AP3S2: variants seen among roughly 807,000 people sequenced by gnomAD.
AP3S2 encodes adaptor related protein complex 3 subunit sigma 2, also known as AP-3 complex subunit sigma-2.
AP3S2 carries 22 observed loss-of-function variants against 23.4 expected under a neutral mutation model. The ratio of observed to expected loss-of-function variants is 0.94; its 90% CI spans 0.67 to 1.34. AP3S2 has a LOEUF of 1.34. Among genes scored for constraint, AP3S2 ranks in the 40% most tolerant of loss-of-function variants. The probability of loss-of-function intolerance (pLI) is 0.00; values close to 1 mark genes in which losing one functional copy is unlikely to be tolerated. For missense variants in AP3S2, 241 were observed against 236.9 expected (o/e 1.02, Z -0.11); for synonymous variants, 86 against 87.1 (o/e 0.99, Z 0.07).
At position 89,833,549 on chromosome 15, in the gene AP3S2, C is replaced by T. The variant is rs1238898811; in HGVS notation, c.*1966G>A. 1 of 152,216 alleles carries T rather than the reference C, an allele frequency of 6.6e-6. No individual in the cohort carries two copies. The highest frequency in any genetic ancestry group is 2.4e-5 in the African/African-American group (1 of 41,444). 9.4% of individuals were successfully genotyped at this position (152,216 alleles called of 1,614,324 possible). On this transcript the variant is annotated 3_prime_UTR_variant, in exon 6 of 6. Transcript: ENST00000336418. ...GAATGATCTTGCTCATGCCAACTTA[C>T]AGAAGGTACGAAATAAACGCCGATC...
chr15:89,840,720 G>T (rs1029980070), intron 4 of AP3S2, among the ~76,000 whole-genome samples: 1 of 152,118 alleles, frequency 6.6e-6, no homozygotes, highest in Non-Finnish European at 1.5e-5. Context: ...GAGCCACCAC[G>T]CCTGGCCTGA....
chr15:89,873,393 T>G (rs1896366631), intron 3 of AP3S2, among the ~76,000 whole-genome samples: 1 of 151,810 alleles, frequency 6.6e-6, no homozygotes, highest in Non-Finnish European at 1.5e-5. Context: ...CAAGCAATTC[T>G]CCTGCCTCAG....
intron 3 of AP3S2, among the ~76,000 whole-genome samples, chr15:89,884,206 G>A (rs987667193): frequency 3.3e-5 from 5 of 151,812 alleles, no homozygotes; most frequent in African/African-American, 1.2e-4. Flanking sequence ...TTGTATAATC[G>A]CTCCTCTCAG....
chr15:89,854,548 C>G (rs1429915952), intron 4 of AP3S2, among the ~76,000 whole-genome samples: 1 of 89,070 alleles, frequency 1.1e-5, no homozygotes, highest in African/African-American at 4.2e-5. Flanking sequence ...GCCCGGCCAG[C>G]CGCCCCGTCC....
intron 4 of AP3S2, among the ~76,000 whole-genome samples, chr15:89,839,316 G>A (rs1246533013): frequency 3.3e-5 from 5 of 152,230 alleles, no homozygotes; most frequent in African/African-American, 1.2e-4. Context: ...CTTGAGGACA[G>A]AGTATAATAA....
At chr15:89,866,819 C>G (rs1896135284) in intron 4 of AP3S2, among the ~76,000 whole-genome samples, 1 of 149,676 alleles carries the variant, frequency 6.7e-6, no homozygotes, top group Admixed American at 6.6e-5. Context: ...TTCGTGGTGT[C>G]TAAGCATTCT....
At chr15:89,866,211 G>A (rs902125075) in intron 4 of AP3S2, among the ~76,000 whole-genome samples, 4 of 138,758 alleles carry the variant, frequency 2.9e-5, no homozygotes, top group African/African-American at 5.5e-5. Context: ...GCAGTGAGCC[G>A]AGATCACACA....
At position 89,832,520 on chromosome 15, in the gene AP3S2, G is replaced by C. The variant is rs1415160924; in HGVS notation, c.*2995C>G. On this transcript the variant is annotated 3_prime_UTR_variant, in exon 6 of 6. Transcript: ENST00000336418. ...TTTTTTTTTTTTGAGACGGAGTCTTGCTGTGTTGCCCAGGCTGGAGTGTAG... is the reference window on the plus strand; with the variant it reads ...TTTTTTTTTTTTGAGACGGAGTCTTCCTGTGTTGCCCAGGCTGGAGTGTAG... 1 of 121,220 alleles carries C rather than the reference G, an allele frequency of 8.2e-6. No homozygotes were observed. Among genetic ancestry groups the C allele is most frequent in the Non-Finnish European group, 1.7e-5 (1 of 60,602 alleles). The allele number at this position is 121,220 out of a possible 1,614,324, so 7.5% of individuals were successfully genotyped here.
chr15:89,831,173 C>T lies in AP3S2; in HGVS notation c.*4342G>A, dbSNP rs1474066478. 2.0e-5 allele frequency: 3 copies of T among 152,306 alleles called. No individual in the cohort carries two copies. The highest frequency in any genetic ancestry group is 3.9e-4 in the East Asian group (2 of 5,188). 9.4% of individuals were successfully genotyped at this position (152,306 alleles called of 1,614,324 possible). On this transcript the variant is annotated 3_prime_UTR_variant, in exon 6 of 6. Coordinates refer to ENST00000336418, the MANE Select transcript of AP3S2 (RefSeq NM_005829.5). ...TAATCATTTTCATGGAACTGCTTCC[C>T]TATAGGGGCCTGTTTTCGTATCTGC...
intron 3 of AP3S2, among the ~76,000 whole-genome samples, chr15:89,884,899 C>T (rs1416884525): frequency 1.3e-5 from 2 of 152,154 alleles, no homozygotes; most frequent in Admixed American, 6.5e-5. Context: ...CCTCCTGCCT[C>T]GGCCCCCAAA....
chr15:89,855,945 TAAAAAAAAAAA>T (rs34784306), intron 4 of AP3S2, among the ~76,000 whole-genome samples: 3 of 111,986 alleles, frequency 2.7e-5, no homozygotes, highest in Admixed American at 9.7e-5. Context: ...ATATGTCCTT[TAAAAAAAAAAA>T]AAAAAAAAAA....
At chr15:89,866,135 A>ATG (rs2141872741) in intron 4 of AP3S2, among the ~76,000 whole-genome samples, 1 of 151,794 alleles carries the variant, frequency 6.6e-6, no homozygotes, top group East Asian at 2.0e-4. Flanking sequence ...GGTGGCAGGC[A>ATG]CCTGTAGTCC....
At chr15:89,868,854 G>A (rs1407561502) in intron 4 of AP3S2, among the ~76,000 whole-genome samples, 10 of 138,184 alleles carry the variant, frequency 7.2e-5, no homozygotes, top group South Asian at 2.4e-4. Flanking sequence ...CAGCTGCCCC[G>A]TCCGGGAGGT....
intron 1 of AP3S2, among the ~76,000 whole-genome samples, chr15:89,891,881 C>T (rs1896829271): frequency 6.6e-6 from 1 of 152,096 alleles, no homozygotes; most frequent in Non-Finnish European, 1.5e-5. Flanking sequence ...CAATTCTACT[C>T]CTAGGTATAT....
chr15:89,890,211 G>A (rs564699726), intron 1 of AP3S2, among the ~76,000 whole-genome samples: 8 of 152,010 alleles, frequency 5.3e-5, no homozygotes, highest in Admixed American at 2.6e-4. Context: ...CACCATGCCC[G>A]GCTAATTTTT....
intron 4 of AP3S2, among the ~76,000 whole-genome samples, chr15:89,860,869 A>G (rs918242116): frequency 5.3e-5 from 8 of 152,324 alleles, no homozygotes; most frequent in Admixed American, 1.3e-4. Flanking sequence ...AGCCAGGGAT[A>G]GTCAGGTATG....
At chr15:89,877,418 T>C (rs1896468481) in intron 3 of AP3S2, 2 of 1,288,574 alleles carry the variant, frequency 1.6e-6, no homozygotes, top group Non-Finnish European at 1.0e-6. Flanking sequence ...CTCTCTCTTT[T>C]TTTAAGCTGT....
chr15:89,871,569 TAAAG>T lies in AP3S2; in HGVS notation c.274-27_274-24del, dbSNP rs774534990. 9 of 1,610,664 alleles carry T rather than the reference TAAAG, an allele frequency of 5.6e-6. No individual in the cohort carries two copies. In the Admixed American group the frequency reaches 6.7e-5, roughly 12 times the overall value. ...AACCTAGAAAACAAGGAGAAATAGA[TAAAG>T]AAGAGAAATAGGAACACATTCACAG... On this transcript the variant is annotated intron_variant, in intron 3 of 5. Coordinates refer to ENST00000336418, the MANE Select transcript of AP3S2 (RefSeq NM_005829.5).
intron 4 of AP3S2, chr15:89,848,921 G>A (rs11635652): frequency 3.3e-5 from 5 of 151,982 alleles, no homozygotes; most frequent in African/African-American, 7.2e-5. Flanking sequence ...TTTATGAGTA[G>A]TATTGAGGAC....
Sources: gnomAD v4.1 joint callset for allele counts (sites outside exome capture counted in the v4.1 genomes callset) on GRCh38, gnomAD v4.1.1 for gene constraint, MANE v1.5 for transcripts, NCBI Gene and HGNC (gene_info 2026-07-23, HGNC 2026-07-21) for gene names.